The following MYG1 variants were observed in gnomAD, a reference collection of about 807,000 sequenced individuals.
The protein encoded by MYG1 is MYG1 exonuclease.
In MYG1, 36 loss-of-function variants were observed where a neutral mutation model predicts 43.5. The ratio of observed to expected loss-of-function variants is 0.83; its 90% CI spans 0.63 to 1.09. The LOEUF is 1.09. Among genes scored for constraint, MYG1 ranks in the 50% least tolerant of loss-of-function variants. The probability of loss-of-function intolerance (pLI) is 0.00; values close to 1 mark genes in which losing one functional copy is unlikely to be tolerated. For synonymous variants in MYG1, 220 were observed against 202.8 expected (o/e 1.08, Z -0.72); for missense variants, 529 against 495.1 (o/e 1.07, Z -0.65).
In MYG1 at chr12:53,300,325, C is replaced by T. The variant is rs1309177208; in HGVS notation, c.329+63C>T. The T allele has an allele frequency of 3.2e-6, 4 of 1,235,822 alleles. No individual in the cohort carries two copies. In the Admixed American group the frequency reaches 1.1e-4, roughly 34 times the overall value. 76.6% of individuals were successfully genotyped at this position (1,235,822 alleles called of 1,614,324 possible). On this transcript the variant is annotated intron_variant, in intron 2 of 6. Transcript: ENST00000267103. ...CTCAGCTTTCCTCTGTGCTCCAATTCAGCCATCCACTGCCGTAGTCCGCGT... is the reference window on the plus strand; with the variant it reads ...CTCAGCTTTCCTCTGTGCTCCAATTTAGCCATCCACTGCCGTAGTCCGCGT...
chr12:53,304,860 T>G (rs1944258999), intron 3 of MYG1, among the ~76,000 whole-genome samples: 2 of 92,776 alleles, frequency 2.2e-5, no homozygotes, highest in South Asian at 4.0e-4. Context: ...CCTAAACCCA[T>G]GTTTTTTTTT....
chr12:53,299,723 T>C lies in MYG1; in HGVS notation c.-15T>C, dbSNP rs1263509491. ...TTCCGGGTCGGCGCTCCTGCCTCCC[T>C]GCAGGGAGCTGCTTATGGGACACCA... On this transcript the variant is annotated 5_prime_UTR_variant, in exon 1 of 7. Transcript: ENST00000267103. 1 of 1,605,008 alleles carries C rather than the reference T, an allele frequency of 6.2e-7. No individual in the cohort carries two copies. Among genetic ancestry groups the C allele is most frequent in the Non-Finnish European group, 8.5e-7 (1 of 1,175,564 alleles).
At position 53,300,194 on chromosome 12, in the gene MYG1, C is replaced by T. The variant is rs1335359422; in HGVS notation, c.261C>T (p.Ser87=). Residue 87 remains serine, a synonymous_variant, in exon 2 of 7, where the codon TCC becomes TCT. Transcript: ENST00000267103. The part of the protein sequence containing the change: ...VRTRDPEKLA[S]CDIVVDVGGE... The stretch of plus-strand genomic sequence containing the variant: ...CCCGGGATCCCGAAAAACTCGCTTC[C>T]TGTGACATCGTGGTGGACGTGGGGG... 1 of 1,607,344 alleles carries T rather than the reference C, an allele frequency of 6.2e-7. No homozygotes were observed. Among genetic ancestry groups the T allele is most frequent in the South Asian group, 1.1e-5 (1 of 90,078 alleles).
rs1327732790 is a variant in MYG1, at chr12:53,299,850, G to A, written c.113G>A (p.Arg38His). 1.9e-6 allele frequency: 3 copies of A among 1,614,046 alleles called. No homozygotes were observed. The highest frequency in any genetic ancestry group is 2.5e-6 in the Non-Finnish European group (3 of 1,180,036). Reference protein sequence around the residue: ...PESVPPPKRSRSKLMAPPRIG... With the variant: ...PESVPPPKRSHSKLMAPPRIG... Reference sequence around the variant, plus strand: ...TCCGTCCCGCCCCCAAAACGATCCCGCAGCAAACTCATGGCACCGCCCCGA... The same window carrying A: ...TCCGTCCCGCCCCCAAAACGATCCCACAGCAAACTCATGGCACCGCCCCGA... Residue 38 changes from arginine to histidine, a missense_variant, in exon 1 of 7, where the codon CGC becomes CAC. Physicochemically the swap from Arg to His is conservative, Grantham distance 29. Coordinates refer to ENST00000267103, the MANE Select transcript of MYG1 (RefSeq NM_021640.4).
Position 53,299,843 on chromosome 12 carries a change from C to A in MYG1, c.106C>A (p.Arg36=). 2.5e-6 allele frequency: 4 copies of A among 1,614,200 alleles called. No individual in the cohort carries two copies. The highest frequency in any genetic ancestry group is 3.4e-6 in the Non-Finnish European group (4 of 1,180,022). The change falls in exon 1 of 7, where the codon CGA becomes AGA. Residue 36 remains arginine (R), a synonymous_variant. Transcript: ENST00000267103. ...TCCAGAGTCCGTCCCGCCCCCAAAA[C>A]GATCCCGCAGCAAACTCATGGCACC... ...LGPESVPPPK[R]SRSKLMAPPR...
chr12:53,303,072 A>G lies in MYG1; in HGVS notation c.368A>G (p.Lys123Arg). 6.2e-7 allele frequency: 1 copy of G among 1,613,838 alleles called. No individual in the cohort carries two copies. The highest frequency in any genetic ancestry group is 8.5e-7 in the Non-Finnish European group (1 of 1,179,872). Residue 123 changes from lysine to arginine, a missense_variant, in exon 3 of 7, where the codon AAG becomes AGG. Lys to Arg is a conservative substitution (Grantham distance 26). Transcript: ENST00000267103. ...ACCATGAGCTCCCTGTCCCCTGGGA[A>G]GCCGTGGCAGACCAAGCTGAGCAGT... ...TETMSSLSPG[K>R]PWQTKLSSAG...
At chr12:53,303,784 GC>G (rs1316815168) in intron 3 of MYG1, 1 of 152,356 alleles carries the variant, frequency 6.6e-6, no homozygotes, top group Admixed American at 6.5e-5. Flanking sequence ...ACAAGTCAAA[GC>G]CCAGGTTCAG....
intron 2 of MYG1, among the ~76,000 whole-genome samples, chr12:53,300,869 C>G (rs1410411585): frequency 1.3e-5 from 2 of 152,076 alleles, no homozygotes; most frequent in East Asian, 3.8e-4. Context: ...GAGGTTAATC[C>G]TCTGTCCTGT....
In MYG1 at chr12:53,303,146, C is replaced by T; in HGVS notation, c.442C>T (p.Leu148=). ...CGGGCACAAGCTGCTGGCCCAGTTG[C>T]TGGGCACTAGTGAAGAGGACAGCAT... is the stretch of plus-strand genomic sequence containing the variant. ...HFGHKLLAQL[L]GTSEEDSMVG... Residue 148 remains leucine (L), a synonymous_variant, in exon 3 of 7, where the codon CTG becomes TTG. Coordinates refer to ENST00000267103, the MANE Select transcript of MYG1 (RefSeq NM_021640.4). The T allele has an allele frequency of 1.2e-6, 2 of 1,614,174 alleles. No individual in the cohort carries two copies. Among genetic ancestry groups the T allele is most frequent in the Non-Finnish European group, 1.7e-6 (2 of 1,180,034 alleles).
intron 3 of MYG1, among the ~76,000 whole-genome samples, chr12:53,305,115 G>A (rs552077887): frequency 9.3e-4 from 120 of 129,312 alleles, no homozygotes; most frequent in African/African-American, 3.0e-3. Flanking sequence ...TGATCCGCCC[G>A]CCTCGGCCTC....
Position 53,300,217 on chromosome 12 carries a change from G to A in MYG1, c.284G>A (p.Gly95Glu), listed in dbSNP as rs761779157. 5 of 1,604,648 alleles carry A rather than the reference G, an allele frequency of 3.1e-6. 1 individual carries two copies. The South Asian group carries it at 5.6e-5, about 18-fold the overall frequency. Residue 95 changes from glycine to glutamate, a missense_variant, in exon 2 of 7, where the codon GGG (glycine) becomes GAG (glutamate). Transcript: ENST00000267103. The part of the protein sequence containing the change: ...LASCDIVVDV[G>E]GEYDPRRHRY... ...TCCTGTGACATCGTGGTGGACGTGG[G>A]GGGCGAGTACGACCCTCGGAGACAC...
chr12:53,300,495 C>T (rs1944220867), intron 2 of MYG1, among the ~76,000 whole-genome samples: 1 of 152,204 alleles, frequency 6.6e-6, no homozygotes, highest in Admixed American at 6.5e-5. Context: ...TATCTCATCT[C>T]CTTCCTTAGC....
intron 3 of MYG1, chr12:53,305,653 TGGCTTTGGTTTG>T (rs1473349254): frequency 2.7e-6 from 1 of 374,286 alleles, no homozygotes; most frequent in African/African-American, 2.1e-5. Flanking sequence ...CTACACGTGT[TGGCTTTGGTTTG>T]GGCTTTGTGC....
chr12:53,306,977 C>G lies in MYG1; in HGVS notation c.959C>G (p.Pro320Arg). Reference sequence around the variant, plus strand: ...CTCTTTCTGCCCAGGCTGCCCCTGCCAGAGCCATGGCGGGGTCTTCGGGAC... The same window carrying G: ...CTCTTTCTGCCCAGGCTGCCCCTGCGAGAGCCATGGCGGGGTCTTCGGGAC... ...PHSFQSRLPL[P>R]EPWRGLRDEA... The change falls in exon 7 of 7, where the codon CCA becomes CGA. Residue 320 changes from proline to arginine, a missense_variant. Physicochemically the swap from Pro to Arg is moderately radical, Grantham distance 103. Transcript: ENST00000267103. The G allele has an allele frequency of 6.2e-7, 1 of 1,613,682 alleles. No homozygotes were observed.
At position 53,306,998 on chromosome 12, in the gene MYG1, G is replaced by A. The variant is rs142952424; in HGVS notation, c.980G>A (p.Arg327Gln). The change falls in exon 7 of 7, where the codon CGG becomes CAG. Residue 327 changes from arginine to glutamine, a missense_variant. Physicochemically the swap from Arg to Gln is conservative, Grantham distance 43. Coordinates refer to ENST00000267103, the MANE Select transcript of MYG1 (RefSeq NM_021640.4). Reference protein sequence around the residue: ...LPLPEPWRGLRDEALDQVSGI... With the variant: ...LPLPEPWRGLQDEALDQVSGI... ...CTGCCAGAGCCATGGCGGGGTCTTC[G>A]GGACGAGGCCCTGGACCAGGTCAGT... 2.5e-6 allele frequency: 4 copies of A among 1,614,120 alleles called. No homozygotes were observed. The highest frequency in any genetic ancestry group is 2.2e-5 in the East Asian group (1 of 44,880).
At position 53,305,892 on chromosome 12, in the gene MYG1, CCTG is replaced by C; in HGVS notation, c.490-8_490-6del. ...AGCAGGTAGCCTCAAGAAGGTTTCCCCTGCTGCTGCCTTAGATGTATGAGAACT... is the reference window on the plus strand; with the variant it reads ...AGCAGGTAGCCTCAAGAAGGTTTCCCCTGCTGCCTTAGATGTATGAGAACT... On this transcript the variant is annotated splice_polypyrimidine_tract_variant and intron_variant, in intron 3 of 6. Transcript: ENST00000267103. 3 of 1,569,628 alleles carry C rather than the reference CCTG, an allele frequency of 1.9e-6. No homozygotes were observed. The highest frequency in any genetic ancestry group is 2.6e-6 in the Non-Finnish European group (3 of 1,158,828).
chr12:53,299,771 C>T lies in MYG1; in HGVS notation c.34C>T (p.Leu12=), dbSNP rs199609884. ...GHQFLRGLLT[L]LLPPPPLYTR... ...CCAATTCCTGCGCGGCCTCTTAACG[C>T]TGCTGCTGCCGCCGCCACCCCTGTA... The change falls in exon 1 of 7, where the codon CTG becomes TTG. Residue 12 remains leucine (L), a synonymous_variant. Coordinates refer to ENST00000267103, the MANE Select transcript of MYG1 (RefSeq NM_021640.4). 1.9e-6 allele frequency: 3 copies of T among 1,612,480 alleles called. No homozygotes were observed. The highest frequency in any genetic ancestry group is 2.2e-5 in the South Asian group (2 of 91,028).
At chr12:53,299,978 G>C in intron 1 of MYG1, 25 bp downstream of exon 1, 1 of 1,613,120 alleles carries the variant, frequency 6.2e-7, no homozygotes, top group Non-Finnish European at 8.5e-7. Flanking sequence ...AAGTGACCCT[G>C]GGACTGCGTG....
chr12:53,306,464 C>G, intron 5 of MYG1, 144 bp downstream of exon 5: 1 of 1,273,304 alleles, frequency 7.9e-7, no homozygotes, highest in Non-Finnish European at 1.1e-6. Context: ...CCACCTCAGC[C>G]TCCTGAGTAG....
Sources: gnomAD v4.1 joint callset for allele counts (sites outside exome capture counted in the v4.1 genomes callset) on GRCh38, gnomAD v4.1.1 for gene constraint, MANE v1.5 for transcripts, NCBI Gene and HGNC (gene_info 2026-07-23, HGNC 2026-07-21) for gene names.